PROM2: variants seen among roughly 807,000 people sequenced by gnomAD.
PROM2 encodes the protein prominin-2.
In PROM2, 90 loss-of-function variants were observed where a neutral mutation model predicts 110.2. The observed-to-expected ratio is 0.82, with a 90% CI of 0.69 to 0.97. The LOEUF (loss-of-function observed/expected upper bound fraction) is 0.97. Among genes scored for constraint, PROM2 ranks in the 50% least tolerant of loss-of-function variants. The probability of loss-of-function intolerance (pLI) is 0.00; values close to 1 mark genes in which losing one functional copy is unlikely to be tolerated. For missense variants in PROM2, 1,009 were observed against 1,074.8 expected, an observed-to-expected ratio of 0.94 and a Z score of 0.86; for synonymous variants, 470 against 467.8, an observed-to-expected ratio of 1.00 and a Z score of -0.06.
intron 15 of PROM2, 64 bp from the exon 16 acceptor site, chr2:95,285,575 C>T: frequency 2.9e-6 from 4 of 1,365,794 alleles, no homozygotes; most frequent in Non-Finnish European, 4.1e-6. Flanking sequence ...AGGCTGGGAT[C>T]AGGTGGTGGT....
chr2:95,287,563 T>G, intron 20 of PROM2, 99 bp downstream of exon 20: 2 of 1,225,510 alleles, frequency 1.6e-6, no homozygotes, highest in Non-Finnish European at 2.3e-6. Context: ...CCCTTGGGGG[T>G]GACCCAGGCC....
In PROM2 at chr2:95,290,182, C is replaced by T. The variant is rs1041394207; in HGVS notation, c.*969C>T. The T allele has an allele frequency of 2.0e-5, 3 of 152,290 alleles. No individual in the cohort carries two copies. The highest frequency in any genetic ancestry group is 7.2e-5 in the African/African-American group (3 of 41,452). 9.4% of individuals were successfully genotyped at this position (152,290 alleles called of 1,614,324 possible). A position where few individuals can be genotyped will look rare whatever the true frequency, so the allele number is the denominator to read the frequency against. On this transcript the variant is annotated 3_prime_UTR_variant, in exon 24 of 24. Coordinates refer to ENST00000317620, the MANE Select transcript of PROM2 (RefSeq NM_001165978.3). ...ATTTTGCACGGCCCCTTTTATCCTG[C>T]GCATGTGGCCTAGGGTCATCCCCAG...
chr2:95,275,604 G>A lies in PROM2; in HGVS notation c.294+94G>A, dbSNP rs538519695. The A allele has an allele frequency of 2.4e-5, 36 of 1,491,002 alleles. No homozygotes were observed. Among genetic ancestry groups the A allele is most frequent in the South Asian group, 1.9e-4 (15 of 80,026 alleles). The allele number at this position is 1,491,002 out of a possible 1,614,324, so 92.4% of individuals were successfully genotyped here. A position where few individuals can be genotyped will look rare whatever the true frequency, so the allele number is the denominator to read the frequency against. Reference sequence around the variant, plus strand: ...GCCTTGGCTCCCCTTAGCCCACCTCGCTGGGTGTCCACTAGGCAGGGGCTC... The same window carrying A: ...GCCTTGGCTCCCCTTAGCCCACCTCACTGGGTGTCCACTAGGCAGGGGCTC... On this transcript the variant is annotated intron_variant, in intron 2 of 23. Transcript: ENST00000317620. This position sits in a 1 kb window ranked among gnomAD's most constrained non-coding sequence, Gnocchi z 4.4.
intron 11 of PROM2, 111 bp from the exon 12 acceptor site, chr2:95,281,131 G>T (rs749287198): frequency 6.9e-7 from 1 of 1,449,658 alleles, no homozygotes; most frequent in Non-Finnish European, 9.3e-7. Flanking sequence ...AAGGCTCTGT[G>T]CTGGGGCCAA....
At position 95,288,301 on chromosome 2, in the gene PROM2, G is replaced by C; in HGVS notation, c.2334+1G>C. The C allele has an allele frequency of 6.2e-7, 1 of 1,614,044 alleles. No individual in the cohort carries two copies. The highest frequency in any genetic ancestry group is 8.5e-7 in the Non-Finnish European group (1 of 1,179,990). On this transcript the variant is annotated splice_donor_variant, in intron 21 of 23. Coordinates refer to ENST00000317620, the MANE Select transcript of PROM2 (RefSeq NM_001165978.3). LOFTEE classifies it high-confidence loss of function. ...GTGTGACATGATGGCTGACCCCTGG[G>C]TGAGTGCCCCAGCTCATCGGGGCTT... is the stretch of plus-strand genomic sequence containing the variant.
In PROM2 at chr2:95,275,338, G is replaced by T; in HGVS notation, c.245-123G>T. On this transcript the variant is annotated intron_variant, in intron 1 of 23. Coordinates refer to ENST00000317620, the MANE Select transcript of PROM2 (RefSeq NM_001165978.3). The surrounding 1 kb of genome is among the most constrained non-coding windows in gnomAD (Gnocchi z 4.4). ...GCTGCGGTGATGCAGCCTTCTGCGA[G>T]GGTGCCATGGTGGTGGCAGGAGCCC... 1.2e-6 allele frequency: 1 copy of T among 861,012 alleles called. No individual in the cohort carries two copies. Among genetic ancestry groups the T allele is most frequent in the African/African-American group, 1.7e-5 (1 of 59,358 alleles). The allele number at this position is 861,012 out of a possible 1,614,324, so 53.3% of individuals were successfully genotyped here. A position where few individuals can be genotyped will look rare whatever the true frequency, so the allele number is the denominator to read the frequency against.
At chr2:95,278,338 G>T in intron 8 of PROM2, 1 of 529,654 alleles carries the variant, frequency 1.9e-6, no homozygotes, top group Non-Finnish European at 3.4e-6. Flanking sequence ...AGGACCTGGA[G>T]CTGGGGAAAT....
intron 10 of PROM2, among the ~76,000 whole-genome samples, chr2:95,279,621 C>T (rs944988574): frequency 6.6e-6 from 1 of 152,136 alleles, no homozygotes; most frequent in Non-Finnish European, 1.5e-5. Context: ...AAGCCAAGAC[C>T]CCTGACTCCA....
chr2:95,285,776 G>A, intron 16 of PROM2, 66 bp downstream of exon 16: 1 of 1,468,460 alleles, frequency 6.8e-7, no homozygotes, highest in Non-Finnish European at 9.3e-7. Flanking sequence ...GCGGGAAAGG[G>A]TGGGAGGATG....
At chr2:95,287,691 G>A (rs766851916) in intron 20 of PROM2, among the ~76,000 whole-genome samples, 22 of 152,286 alleles carry the variant, frequency 1.4e-4, no homozygotes, top group South Asian at 1.2e-3. Flanking sequence ...CAGGGTTGGC[G>A]TTCTCCAAAA....
chr2:95,281,609 C>G (rs1405603879), intron 12 of PROM2, among the ~76,000 whole-genome samples: 3 of 152,136 alleles, frequency 2.0e-5, no homozygotes, highest in Non-Finnish European at 4.4e-5. Flanking sequence ...AGATGGCACC[C>G]TGACCCATTC....
chr2:95,279,134 G>C lies in PROM2; in HGVS notation c.1264G>C (p.Glu422Gln). Residue 422 changes from glutamate to glutamine, a missense_variant, in exon 10 of 24, where the codon GAG becomes CAG. Physicochemically the swap from Glu to Gln is conservative, Grantham distance 29. Coordinates refer to ENST00000317620, the MANE Select transcript of PROM2 (RefSeq NM_001165978.3). ...RPYLQEVQRY[E>Q]TYRWIVGCVL... The stretch of plus-strand genomic sequence containing the variant: ...CTACCTGCAGGAGGTGCAGAGATAC[G>C]AGACCTACAGGTGCTGGGCACCGCA... The C allele has an allele frequency of 2.4e-6, 3 of 1,256,278 alleles. No homozygotes were observed. Among genetic ancestry groups the C allele is most frequent in the Non-Finnish European group, 3.1e-6 (3 of 970,582 alleles). The allele number at this position is 1,256,278 out of a possible 1,614,324, so 77.8% of individuals were successfully genotyped here.
chr2:95,275,434 A>G lies in PROM2; in HGVS notation c.245-27A>G, dbSNP rs199515875. On this transcript the variant is annotated intron_variant, in intron 1 of 23. Transcript: ENST00000317620. The surrounding 1 kb of genome is among the most constrained non-coding windows in gnomAD (Gnocchi z 4.4). ...AGGGGCAGGGCAGTGGCTGTCCCCA[A>G]ATCCTCAGCTTGGCTCTTTCCCATA... 8.1e-6 allele frequency: 13 copies of G among 1,601,760 alleles called. No individual in the cohort carries two copies. The highest frequency in any genetic ancestry group is 1.7e-5 in the Admixed American group (1 of 58,994).
chr2:95,277,368 G>T lies in PROM2; in HGVS notation c.777G>T (p.Leu259=), dbSNP rs953208617. Residue 259 remains leucine, a synonymous_variant, in exon 7 of 24, where the codon CTG becomes CTT. Transcript: ENST00000317620. ...GGCTGGGTGTGGGTCTCTCAGTCCT[G>T]CAGGTCTCCGTGCACCACCTGCAAA... ...LAAVGSLGQV[L]QVSVHHLQTL... is the part of the protein sequence containing the mutation. 8.1e-6 allele frequency: 13 copies of T among 1,610,024 alleles called. No homozygotes were observed. Among genetic ancestry groups the T allele is most frequent in the Non-Finnish European group, 1.0e-5 (12 of 1,178,174 alleles).
rs1055552576 is a variant in PROM2, at chr2:95,290,059, T to C, written c.*846T>C. On this transcript the variant is annotated 3_prime_UTR_variant, in exon 24 of 24. Coordinates refer to ENST00000317620, the MANE Select transcript of PROM2 (RefSeq NM_001165978.3). The stretch of plus-strand genomic sequence containing the variant: ...GCTCCCAAGGAAGGGACCTGGGACC[T>C]GGGCCACAGTGGGGGCTTGCCCTTA... The C allele has an allele frequency of 3.3e-5, 5 of 152,302 alleles. No individual in the cohort carries two copies. The highest frequency in any genetic ancestry group is 9.6e-5 in the African/African-American group (4 of 41,464). 9.4% of individuals were successfully genotyped at this position (152,302 alleles called of 1,614,324 possible). A position where few individuals can be genotyped will look rare whatever the true frequency, so the allele number is the denominator to read the frequency against.
chr2:95,287,017 C>A, intron 18 of PROM2, 116 bp from the exon 19 acceptor site: 1 of 1,274,720 alleles, frequency 7.8e-7, no homozygotes, highest in African/African-American at 1.5e-5. Context: ...GATCACCACC[C>A]TTGGCTTGTC....
chr2:95,275,904 C>A lies in PROM2; in HGVS notation c.295-26C>A. The stretch of plus-strand genomic sequence containing the variant: ...GGGCTGGGCAGTGGGGGTCGGGTCA[C>A]CCCTCATGCCCTGCTGCCTGCCCAG... On this transcript the variant is annotated intron_variant, in intron 2 of 23. Transcript: ENST00000317620. The surrounding 1 kb of genome is among the most constrained non-coding windows in gnomAD (Gnocchi z 4.4). 1 of 1,595,054 alleles carries A rather than the reference C, an allele frequency of 6.3e-7. No homozygotes were observed. Among genetic ancestry groups the A allele is most frequent in the African/African-American group, 1.3e-5 (1 of 74,910 alleles).
chr2:95,285,810 G>C, intron 16 of PROM2, 100 bp downstream of exon 16: 1 of 1,177,890 alleles, frequency 8.5e-7, no homozygotes, highest in African/African-American at 1.5e-5. Context: ...AGGGAACTGA[G>C]GACCCCCACC....
Position 95,279,039 on chromosome 2 carries a change from G to C in PROM2, c.1169G>C (p.Gly390Ala). ...QPEGVRTLAE[G>A]FPGLEAASRW... Reference sequence around the variant, plus strand: ...GAAGGGGTGAGGACACTGGCTGAAGGGTTCCCGGGCTTGGAGGCAGCTTCC... The same window carrying C: ...GAAGGGGTGAGGACACTGGCTGAAGCGTTCCCGGGCTTGGAGGCAGCTTCC... Residue 390 changes from glycine to alanine, a missense_variant, in exon 10 of 24, where the codon GGG (glycine) becomes GCG (alanine). Gly to Ala is a moderately conservative substitution (Grantham distance 60, BLOSUM62 0). Coordinates refer to ENST00000317620, the MANE Select transcript of PROM2 (RefSeq NM_001165978.3). 2.5e-6 allele frequency: 4 copies of C among 1,613,012 alleles called. No homozygotes were observed. Among genetic ancestry groups the C allele is most frequent in the Non-Finnish European group, 3.4e-6 (4 of 1,179,662 alleles).
Sources: allele counts gnomAD v4.1 joint callset (sites outside exome capture counted in the v4.1 genomes callset), GRCh38; gene constraint gnomAD v4.1.1; non-coding constraint Gnocchi (gnomAD v3.1); transcripts MANE v1.5; gene names NCBI Gene and HGNC (gene_info 2026-07-23, HGNC 2026-07-21).